DNAJC21: variants seen among roughly 807,000 people sequenced by gnomAD.
The protein encoded by DNAJC21 is dnaJ homolog subfamily C member 21.
DNAJC21 carries 63 observed loss-of-function variants against 72.4 expected under a neutral mutation model. That is an observed-to-expected ratio of 0.87 (90% CI 0.71 to 1.07). The LOEUF (loss-of-function observed/expected upper bound fraction) is 1.07. DNAJC21 is among the 50% of genes least tolerant of loss of function. The probability of loss-of-function intolerance (pLI) is 0.00; values close to 1 mark genes in which losing one functional copy is unlikely to be tolerated. For missense variants in DNAJC21, 634 were observed against 644.8 expected (o/e 0.98, Z 0.18); for synonymous variants, 203 against 216.7 (o/e 0.94, Z 0.56).
Position 34,937,487 on chromosome 5 carries a change from T to C in DNAJC21, c.600T>C (p.Asn200=). 1 of 1,614,140 alleles carries C rather than the reference T, an allele frequency of 6.2e-7. No homozygotes were observed. The highest frequency in any genetic ancestry group is 8.5e-7 in the Non-Finnish European group (1 of 1,179,988). The change falls in exon 5 of 12, where the codon AAT becomes AAC. Residue 200 remains asparagine (N), a synonymous_variant. Transcript: ENST00000648817. ...GGGACAAAGCAAGGAAAGAGAAGAA[T>C]GAGCTTGTCCGTCAGCTGGTAGCTT... ...KIRDKARKEK[N]ELVRQLVAFI... is the part of the protein sequence containing the mutation.
At chr5:34,942,212 G>A (rs1211116439) in intron 7 of DNAJC21, among the ~76,000 whole-genome samples, 1 of 152,138 alleles carries the variant, frequency 6.6e-6, no homozygotes, top group Non-Finnish European at 1.5e-5. Flanking sequence ...GGCTGATGCT[G>A]CCAATATAGG....
intron 6 of DNAJC21, among the ~76,000 whole-genome samples, chr5:34,939,298 G>A (rs529685248): frequency 1.3e-4 from 20 of 150,422 alleles, no homozygotes; most frequent in South Asian, 2.1e-4. Flanking sequence ...TCGCTCTGTC[G>A]CCCAGGCCGG....
At chr5:34,930,628 G>A (rs757628426) in intron 1 of DNAJC21, among the ~76,000 whole-genome samples, 1 of 152,118 alleles carries the variant, frequency 6.6e-6, no homozygotes, top group Non-Finnish European at 1.5e-5. Flanking sequence ...CTTTTATGAA[G>A]TAATCTGATC....
At chr5:34,949,491 G>A in intron 9 of DNAJC21, 8 of 1,550,048 alleles carry the variant, frequency 5.2e-6, no homozygotes, top group Non-Finnish European at 7.0e-6. Flanking sequence ...GATAATATTA[G>A]CATTAGATTC....
At chr5:34,945,429 C>T (rs1323096494) in intron 8 of DNAJC21, among the ~76,000 whole-genome samples, 1 of 152,234 alleles carries the variant, frequency 6.6e-6, no homozygotes, top group East Asian at 1.9e-4. Flanking sequence ...AAGATTGTCT[C>T]CATATTTTCT....
intron 10 of DNAJC21, 146 bp downstream of exon 10, chr5:34,950,488 C>A: frequency 7.1e-7 from 1 of 1,400,860 alleles, no homozygotes. Flanking sequence ...GATACACACA[C>A]ACATATGTAT....
At position 34,939,067 on chromosome 5, in the gene DNAJC21, C is replaced by T. The variant is rs187434877; in HGVS notation, c.895+58C>T. 77 of 1,416,924 alleles carry T rather than the reference C, an allele frequency of 5.4e-5. 1 individual carries two copies. In the African/African-American group the frequency reaches 8.1e-4, roughly 15 times the overall value. The allele number at this position is 1,416,924 out of a possible 1,614,324, so 87.8% of individuals were successfully genotyped here. ...GTTTTTTAAGTGAAGCTGGAAATCT[C>T]CTTGCTTATTTGACATCTCCCAATT... On this transcript the variant is annotated intron_variant, in intron 6 of 11. Transcript: ENST00000648817.
chr5:34,954,416 C>A, intron 11 of DNAJC21, 137 bp from the exon 12 acceptor site: 1 of 1,005,954 alleles, frequency 9.9e-7, no homozygotes, highest in South Asian at 2.1e-5. Context: ...CTTTGTTGAA[C>A]GTGTTTATTA....
intron 3 of DNAJC21, 90 bp downstream of exon 3, chr5:34,935,923 G>C (rs1764756117): frequency 1.3e-6 from 2 of 1,556,782 alleles, no homozygotes; most frequent in African/African-American, 2.7e-5. Flanking sequence ...TTCTGTAATA[G>C]AAAGTGAAGC....
chr5:34,941,242 G>A, intron 7 of DNAJC21, 59 bp downstream of exon 7: 1 of 1,485,802 alleles, frequency 6.7e-7, no homozygotes, highest in Non-Finnish European at 9.3e-7. Flanking sequence ...CTGTCACCAA[G>A]GCAGGAGTGC....
rs1032678570 is a variant in DNAJC21 at position 34,956,297 on chromosome 5, C to G, written c.*1583C>G. 5 of 152,478 alleles carry G rather than the reference C, an allele frequency of 3.3e-5. No homozygotes were observed. Among genetic ancestry groups the G allele is most frequent in the African/African-American group, 1.2e-4 (5 of 41,420 alleles). The allele number at this position is 152,478 out of a possible 1,614,324, so 9.4% of individuals were successfully genotyped here. On this transcript the variant is annotated 3_prime_UTR_variant, in exon 12 of 12. Coordinates refer to ENST00000648817, the MANE Select transcript of DNAJC21 (RefSeq NM_001012339.3). ...TCTGTGTTATTGTCTTAAAAATAAG[C>G]ATTTGAACCTTAATTTAAATTCTTT...
At chr5:34,951,989 A>G (rs931673048) in intron 10 of DNAJC21, 3 of 985,492 alleles carry the variant, frequency 3.0e-6, no homozygotes, top group Non-Finnish European at 2.4e-6. Flanking sequence ...TAAGATAGAT[A>G]CATTATACCC....
Position 34,937,514 on chromosome 5 carries a change from C to G in DNAJC21, c.627C>G (p.Phe209Leu). ...KNELVRQLVAFIRKRDKRVQA... is the reference protein window; with the variant it reads ...KNELVRQLVALIRKRDKRVQA... ...AGCTTGTCCGTCAGCTGGTAGCTTTCATTCGTAAAAGAGATAAAAGAGTGC... is the reference window on the plus strand; with the variant it reads ...AGCTTGTCCGTCAGCTGGTAGCTTTGATTCGTAAAAGAGATAAAAGAGTGC... Residue 209 changes from phenylalanine to leucine, a missense_variant, in exon 5 of 12, where the codon TTC (phenylalanine) becomes TTG (leucine). By Grantham distance (22) the Phe-to-Leu change is conservative. Transcript: ENST00000648817. The G allele has an allele frequency of 3.1e-6, 5 of 1,614,126 alleles. No individual in the cohort carries two copies. The highest frequency in any genetic ancestry group is 4.2e-6 in the Non-Finnish European group (5 of 1,179,966).
intron 9 of DNAJC21, among the ~76,000 whole-genome samples, chr5:34,949,114 A>G (rs1561190836): frequency 6.6e-6 from 1 of 152,292 alleles, no homozygotes; most frequent in African/African-American, 2.4e-5. Context: ...AAAAGGGAAA[A>G]CATACTTTAC....
intron 7 of DNAJC21, among the ~76,000 whole-genome samples, chr5:34,941,520 G>A (rs369191944): frequency 6.9e-5 from 10 of 145,180 alleles, no homozygotes; most frequent in Middle Eastern, 4.1e-3. Context: ...ACTGCATCCA[G>A]TTAAAAGGAG....
At chr5:34,952,110 G>A (rs563379761) in intron 10 of DNAJC21, 15 of 980,468 alleles carry the variant, frequency 1.5e-5, no homozygotes, top group East Asian at 1.2e-4. Flanking sequence ...ACTGAGAAGT[G>A]TTTTTTTAAA....
intron 10 of DNAJC21, among the ~76,000 whole-genome samples, chr5:34,953,280 CT>C (rs1361711150): frequency 6.6e-6 from 1 of 151,498 alleles, no homozygotes; most frequent in African/African-American, 2.4e-5. Flanking sequence ...TTTTTTCCCC[CT>C]GAAACAGTCT....
rs1182138045 is a variant in DNAJC21 at position 34,956,006 on chromosome 5, T to C, written c.*1292T>C. ...AGGCGGAGCTTGCAGTGAGCCGAGA[T>C]CCCGCCACTGCACTCCAGCCTGGGC... On this transcript the variant is annotated 3_prime_UTR_variant, in exon 12 of 12. Coordinates refer to ENST00000648817, the MANE Select transcript of DNAJC21 (RefSeq NM_001012339.3). The C allele has an allele frequency of 8.4e-6, 1 of 119,024 alleles. No individual in the cohort carries two copies. The highest frequency in any genetic ancestry group is 3.3e-5 in the African/African-American group (1 of 29,980). The allele number at this position is 119,024 out of a possible 1,614,324, so 7.4% of individuals were successfully genotyped here.
chr5:34,949,467 T>C, intron 9 of DNAJC21: 1 of 1,538,660 alleles, frequency 6.5e-7, no homozygotes, highest in East Asian at 2.5e-5. Context: ...AATTTGAATG[T>C]GGGTTGTGTA....
Sources: gnomAD v4.1 joint callset for allele counts (sites outside exome capture counted in the v4.1 genomes callset) on GRCh38, gnomAD v4.1.1 for gene constraint, MANE v1.5 for transcripts, NCBI Gene and HGNC (gene_info 2026-07-23, HGNC 2026-07-21) for gene names.